UAP1: variants seen among roughly 807,000 people sequenced by gnomAD.
UAP1 encodes the protein UDP-N-acetylglucosamine pyrophosphorylase 1.
A neutral mutation model predicts 58.5 loss-of-function variants in UAP1; 25 were observed. That is an observed-to-expected ratio of 0.43 (90% CI 0.31 to 0.60). The LOEUF is 0.60. Ranked by LOEUF, UAP1 falls within the 20% of genes least tolerant of loss-of-function variation. The pLI, the probability that UAP1 is intolerant of heterozygous loss-of-function variation, is 0.11. For missense variants in UAP1, 575 were observed against 630.0 expected (o/e 0.91, Z 0.93); for synonymous variants, 208 against 213.0 (o/e 0.98, Z 0.21).
At chr1:162,599,132 A>G (rs983791419) in intron 10 of UAP1, 139 bp from the exon 11 acceptor site, 8 of 532,924 alleles carry the variant, frequency 1.5e-5, no homozygotes, top group Admixed American at 3.5e-5. Context: ...TAAAATGTCT[A>G]TTAAATAGAT....
chr1:162,578,428 G>GTAGCTCTTC (rs781370209), intron 3 of UAP1, among the ~76,000 whole-genome samples: 5 of 152,034 alleles, frequency 3.3e-5, no homozygotes, highest in Non-Finnish European at 4.4e-5. Flanking sequence ...TGTAATTTTC[G>GTAGCTCTTC]TAGCTCTTCT....
At chr1:162,570,621 C>G (rs546233490) in intron 2 of UAP1, among the ~76,000 whole-genome samples, 147 of 152,294 alleles carry the variant, frequency 9.7e-4, no homozygotes, top group African/African-American at 3.2e-3. Flanking sequence ...CTAATGTAAT[C>G]TCTGCTATCA....
intron 7 of UAP1, 42 bp downstream of exon 7, chr1:162,588,875 A>C (rs1333144890): frequency 2.6e-6 from 4 of 1,562,738 alleles, no homozygotes; most frequent in Non-Finnish European, 3.5e-6. Flanking sequence ...TAAATGTCTT[A>C]AAATGCTGCT....
At chr1:162,593,100 C>G (rs1162725821) in intron 9 of UAP1, 2 of 384,692 alleles carry the variant, frequency 5.2e-6, no homozygotes, top group Admixed American at 8.3e-5. Flanking sequence ...CATTTTGCAC[C>G]TTTAACATAA....
chr1:162,561,964 C>T (rs1653166117), intron 1 of UAP1, among the ~76,000 whole-genome samples, 187 bp downstream of exon 1: 1 of 152,200 alleles, frequency 6.6e-6, no homozygotes, highest in African/African-American at 2.4e-5. Context: ...CACCCCAGCC[C>T]GTGCGCCCCG....
chr1:162,570,246 A>T (rs1477693342), intron 2 of UAP1, among the ~76,000 whole-genome samples: 1 of 152,202 alleles, frequency 6.6e-6, no homozygotes, highest in East Asian at 1.9e-4. Flanking sequence ...ATACAGAGAT[A>T]CTCACTAGTA....
Position 162,581,532 on chromosome 1 carries a change from C to T in UAP1, c.834+73C>T. Reference sequence around the variant, plus strand: ...TCATATACGCATTCCAGAAGTCAAACCAAGTTTATTAGGGTGATTTGAATA... The same window carrying T: ...TCATATACGCATTCCAGAAGTCAAATCAAGTTTATTAGGGTGATTTGAATA... On this transcript the variant is annotated intron_variant, in intron 5 of 10. Coordinates refer to ENST00000271469, the Ensembl canonical transcript of UAP1. 3.5e-6 allele frequency: 5 copies of T among 1,430,568 alleles called. No homozygotes were observed. In the South Asian group the frequency reaches 7.1e-5, roughly 20 times the overall value. The allele number at this position is 1,430,568 out of a possible 1,614,324, so 88.6% of individuals were successfully genotyped here. A position where few individuals can be genotyped will look rare whatever the true frequency, so the allele number is the denominator to read the frequency against.
chr1:162,571,727 G>A (rs1384359075), intron 2 of UAP1, among the ~76,000 whole-genome samples: 1 of 152,114 alleles, frequency 6.6e-6, no homozygotes, highest in African/African-American at 2.4e-5. Context: ...ATTTTATTGG[G>A]CCACTTAATT....
intron 2 of UAP1, among the ~76,000 whole-genome samples, chr1:162,576,190 G>A (rs1654165638): frequency 1.3e-5 from 2 of 152,240 alleles, no homozygotes; most frequent in Admixed American, 1.3e-4. Flanking sequence ...TTTTCTTTAT[G>A]TAGCTTACCT....
chr1:162,596,467 AC>A (rs1243414685), intron 9 of UAP1, among the ~76,000 whole-genome samples: 1 of 152,174 alleles, frequency 6.6e-6, no homozygotes, highest in Non-Finnish European at 1.5e-5. Flanking sequence ...GAGCCACTGC[AC>A]CCAGCCACAT....
In UAP1 at chr1:162,579,412, G is replaced by T; in HGVS notation, c.486-16G>T. ...CCTAGCACGGTTGCTTAGAAGATCTGATTTTCTCTTGTAAGGTATATAATG... is the reference window on the plus strand; with the variant it reads ...CCTAGCACGGTTGCTTAGAAGATCTTATTTTCTCTTGTAAGGTATATAATG... On this transcript the variant is annotated splice_polypyrimidine_tract_variant and intron_variant, in intron 3 of 10. Coordinates refer to ENST00000271469, the Ensembl canonical transcript of UAP1. 2.0e-6 allele frequency: 3 copies of T among 1,472,786 alleles called. No homozygotes were observed. In the South Asian group the frequency reaches 4.5e-5, roughly 22 times the overall value. 91.2% of individuals were successfully genotyped at this position (1,472,786 alleles called of 1,614,324 possible). A position where few individuals can be genotyped will look rare whatever the true frequency, so the allele number is the denominator to read the frequency against.
chr1:162,590,362 T>C lies in UAP1; in HGVS notation c.1209T>C (p.Phe403=), dbSNP rs764039145. The C allele has an allele frequency of 1.9e-6, 3 of 1,613,236 alleles. No individual in the cohort carries two copies. In the South Asian group the frequency reaches 3.3e-5, roughly 18 times the overall value. The change falls in exon 8 of 11, where the codon TTT becomes TTC. Residue 403 remains phenylalanine (F), a synonymous_variant. Transcript: ENST00000271469. ...ATGAAGTATTGCGAGAAGATGAGTT[T>C]TCCCCACTAAAGAATGCTGATAGTC...
At chr1:162,563,155 C>G (rs1205717874) in intron 1 of UAP1, among the ~76,000 whole-genome samples, 1 of 152,118 alleles carries the variant, frequency 6.6e-6, no homozygotes, top group Non-Finnish European at 1.5e-5. Flanking sequence ...ACACGTGCCT[C>G]TAAACATCGT....
At chr1:162,594,349 A>G (rs748389435) in intron 9 of UAP1, among the ~76,000 whole-genome samples, 32 of 152,176 alleles carry the variant, frequency 2.1e-4, no homozygotes, top group Non-Finnish European at 3.8e-4. Context: ...TGTTGCGGCC[A>G]CTGATCTGAC....
intron 10 of UAP1, among the ~76,000 whole-genome samples, chr1:162,598,458 A>G (rs1288625345): frequency 1.3e-5 from 2 of 152,222 alleles, no homozygotes; most frequent in African/African-American, 4.8e-5. Flanking sequence ...TGCAATATCT[A>G]GTCCATTTCA....
At chr1:162,582,668 C>T (rs940960919) in intron 5 of UAP1, among the ~76,000 whole-genome samples, 3 of 152,152 alleles carry the variant, frequency 2.0e-5, no homozygotes, top group Non-Finnish European at 4.4e-5. Flanking sequence ...AATTGTGATG[C>T]AAAAGGAAGA....
intron 5 of UAP1, among the ~76,000 whole-genome samples, chr1:162,584,582 A>G (rs1333606836): frequency 6.6e-6 from 1 of 152,170 alleles, no homozygotes; most frequent in African/African-American, 2.4e-5. Flanking sequence ...TCCTGGGTTC[A>G]GGTGATCCTC....
At chr1:162,591,417 TAAAAA>T (rs1557979229) in intron 8 of UAP1, among the ~76,000 whole-genome samples, 1 of 152,152 alleles carries the variant, frequency 6.6e-6, no homozygotes, top group African/African-American at 2.4e-5. Flanking sequence ...TTTGAGAAGT[TAAAAA>T]AAGAAGGTAT....
chr1:162,591,481 T>TTTTG (rs373150621), intron 8 of UAP1, among the ~76,000 whole-genome samples: 4 of 152,132 alleles, frequency 2.6e-5, no homozygotes, highest in Non-Finnish European at 5.9e-5. Context: ...AAATCTGTTT[T>TTTTG]TTTGTTTGTT....
Sources: gnomAD v4.1 joint callset for allele counts (sites outside exome capture counted in the v4.1 genomes callset) on GRCh38, gnomAD v4.1.1 for gene constraint, MANE v1.5 for transcripts, NCBI Gene and HGNC (gene_info 2026-07-23, HGNC 2026-07-21) for gene names.